NCAM1: variants seen among roughly 807,000 people sequenced by gnomAD.
NCAM1 encodes antigen recognized by monoclonal antibody 5.1H11.
NCAM1 carries 14 observed loss-of-function variants against 109.8 expected under a neutral mutation model. The observed-to-expected ratio is 0.13, with a 90% CI of 0.08 to 0.20. The LOEUF (loss-of-function observed/expected upper bound fraction) is 0.20. Among genes scored for constraint, NCAM1 ranks in the 10% least tolerant of loss-of-function variants. The pLI is 1.00. For synonymous variants in NCAM1, 418 were observed against 442.9 expected (o/e 0.94, Z 0.70); for missense variants, 774 against 1,109.9 (o/e 0.70, Z 4.30).
intron 1 of NCAM1, among the ~76,000 whole-genome samples, chr11:113,004,822 G>A (rs1951852635): frequency 8.8e-6 from 1 of 114,216 alleles, no homozygotes; most frequent in African/African-American, 3.0e-5. Context: ...CTGATTCTTT[G>A]ATTTTTTTTT....
At chr11:113,199,786 T>TA (rs1228708804) in intron 1 of NCAM1, among the ~76,000 whole-genome samples, 12 of 52,428 alleles carry the variant, frequency 2.3e-4, no homozygotes, top group African/African-American at 6.7e-4. Context: ...AGTATAATAA[T>TA]AAAAAAAAGA....
chr11:113,271,239 A>G (rs1031772336), intron 18 of NCAM1, among the ~76,000 whole-genome samples: 3 of 151,984 alleles, frequency 2.0e-5, no homozygotes, highest in Non-Finnish European at 2.9e-5. Context: ...GCGTGGTGGC[A>G]TGCTCCTGTA....
At chr11:113,036,931 G>C (rs1176857318) in intron 1 of NCAM1, among the ~76,000 whole-genome samples, 2 of 151,986 alleles carry the variant, frequency 1.3e-5, no homozygotes, top group Non-Finnish European at 2.9e-5. Flanking sequence ...GGAACAGGTG[G>C]GCATTCATCT....
chr11:113,204,426 G>A lies in NCAM1; in HGVS notation c.268G>A (p.Asp90Asn). ...CACCATCTATAACGCCAACATCGAC[G>A]ACGCCGGCATTTACAAGTGTGTGGT... ...TLTIYNANID[D>N]AGIYKCVVTG... The change falls in exon 3 of 20, where the codon GAC becomes AAC. Residue 90 changes from aspartate to asparagine, a missense_variant. By Grantham distance (23) the Asp-to-Asn change is conservative (BLOSUM62 1). Coordinates refer to ENST00000316851, the MANE Select transcript of NCAM1 (RefSeq NM_181351.5). 1.2e-6 allele frequency: 2 copies of A among 1,613,982 alleles called. No homozygotes were observed. Among genetic ancestry groups the A allele is most frequent in the Non-Finnish European group, 8.5e-7 (1 of 1,179,886 alleles).
In NCAM1 at chr11:113,246,362, G is replaced by A; in HGVS notation, c.1826-6G>A. On this transcript the variant is annotated splice_polypyrimidine_tract_variant and splice_region_variant and intron_variant, in intron 14 of 19. Transcript: ENST00000316851. The stretch of plus-strand genomic sequence containing the variant: ...TGCTGATGATGTCGTCCACGCTGGT[G>A]AACAGAAGGTAAAACTCTTTGTTCT... 1.3e-6 allele frequency: 1 copy of A among 742,664 alleles called. No individual in the cohort carries two copies. 46.0% of individuals were successfully genotyped at this position (742,664 alleles called of 1,614,324 possible).
In NCAM1 at chr11:113,274,514, TG is replaced by T. The variant is rs1166522340; in HGVS notation, c.2457-751del. On this transcript the variant is annotated intron_variant, in intron 19 of 19. Transcript: ENST00000316851. This position sits in a 1 kb window ranked among gnomAD's most constrained non-coding sequence, Gnocchi z 4.1. ...ACCTAGATTTTTATAGAGGCTCCTATGGCTGCTCCCCAGATAAGCTGCCATG... is the reference window on the plus strand; with the variant it reads ...ACCTAGATTTTTATAGAGGCTCCTATGCTGCTCCCCAGATAAGCTGCCATG... 6.6e-6 allele frequency among the ~76,000 whole-genome samples: 1 copy of T among 152,210 alleles called. No individual in the cohort carries two copies. The highest frequency in any genetic ancestry group is 1.5e-5 in the Non-Finnish European group (1 of 68,042).
At chr11:113,095,315 C>CGTGTGTGTGTGTGTGTGTGT (rs147958488) in intron 1 of NCAM1, among the ~76,000 whole-genome samples, 90 of 151,266 alleles carry the variant, frequency 5.9e-4, no homozygotes, top group African/African-American at 2.1e-3. Flanking sequence ...TAATAGAATG[C>CGTGTGTGTGTGTGTGTGTGT]GTGTGTGTGT....
intron 1 of NCAM1, among the ~76,000 whole-genome samples, chr11:113,050,136 AG>A (rs1555081567): frequency 1.5e-5 from 1 of 68,926 alleles, no homozygotes; most frequent in Non-Finnish European, 2.8e-5. Context: ...GCAGAAACAG[AG>A]GGTGGGGGGG....
intron 1 of NCAM1, among the ~76,000 whole-genome samples, chr11:113,081,007 G>T (rs1035773852): frequency 4.6e-5 from 7 of 152,148 alleles, no homozygotes; most frequent in Non-Finnish European, 1.0e-4. Context: ...CATACTTTCT[G>T]ACATTTATTT....
intron 1 of NCAM1, among the ~76,000 whole-genome samples, chr11:113,091,604 A>G (rs1939346697): frequency 6.6e-6 from 1 of 152,216 alleles, no homozygotes; most frequent in Admixed American, 6.5e-5. Context: ...AATTGTGTCC[A>G]GGGTTGATGC....
At chr11:113,148,928 T>A (rs1942121499) in intron 1 of NCAM1, among the ~76,000 whole-genome samples, 1 of 152,146 alleles carries the variant, frequency 6.6e-6, no homozygotes, top group Non-Finnish European at 1.5e-5. Flanking sequence ...CAGAAGCCAA[T>A]GAGTGACTGT....
chr11:113,170,323 T>A (rs1014823448), intron 1 of NCAM1, among the ~76,000 whole-genome samples: 1 of 152,222 alleles, frequency 6.6e-6, no homozygotes. Context: ...AAACAATTTC[T>A]TCCCACCATT....
At chr11:113,136,321 T>C (rs1941594374) in intron 1 of NCAM1, among the ~76,000 whole-genome samples, 1 of 152,154 alleles carries the variant, frequency 6.6e-6, no homozygotes, top group South Asian at 2.1e-4. Context: ...ATATTGGGAA[T>C]TATAAATGAG....
At chr11:113,216,845 T>C (rs1476980769) in intron 8 of NCAM1, among the ~76,000 whole-genome samples, 3 of 152,214 alleles carry the variant, frequency 2.0e-5, no homozygotes, top group African/African-American at 7.2e-5. Context: ...ACACTGTGGA[T>C]AGCTAATAAT....
At chr11:113,099,915 C>G (rs782098108) in intron 1 of NCAM1, among the ~76,000 whole-genome samples, 3 of 152,170 alleles carry the variant, frequency 2.0e-5, no homozygotes, top group Admixed American at 2.0e-4. Context: ...TCTCAAACTC[C>G]TGACCTCGTG....
chr11:113,240,640 G>A, intron 14 of NCAM1: 1 of 760,232 alleles, frequency 1.3e-6, no homozygotes, highest in Non-Finnish European at 2.3e-6. Context: ...CTGGCCAGCT[G>A]TTCACACACG....
intron 1 of NCAM1, among the ~76,000 whole-genome samples, chr11:112,983,912 G>T (rs1312358540): frequency 6.6e-6 from 1 of 151,860 alleles, no homozygotes; most frequent in African/African-American, 2.4e-5. Flanking sequence ...TGTGAATAGA[G>T]TTCTTAAAGT....
At position 113,214,808 on chromosome 11, in the gene NCAM1, C is replaced by T. The variant is rs542002743; in HGVS notation, c.1059+297C>T. 2.3e-3 allele frequency among the ~76,000 whole-genome samples: 353 copies of T among 152,260 alleles called. 10 individuals carry two copies. Among genetic ancestry groups the T allele is most frequent in the South Asian group, 0.022 (106 of 4,822 alleles). ...GATTGTCAATCCCAGAGTTATGGAG[C>T]TGTGAGGGAACAAAGAGAAGGCAAT... On this transcript the variant is annotated intron_variant, in intron 8 of 19. Coordinates refer to ENST00000316851, the MANE Select transcript of NCAM1 (RefSeq NM_181351.5).
intron 15 of NCAM1, among the ~76,000 whole-genome samples, chr11:113,254,561 G>A (rs892737672): frequency 3.3e-5 from 5 of 152,108 alleles, no homozygotes; most frequent in Admixed American, 1.3e-4. Context: ...GTTCCTCCTC[G>A]TATCAAAGGA....
Sources: allele counts gnomAD v4.1 joint callset (sites outside exome capture counted in the v4.1 genomes callset), GRCh38; gene constraint gnomAD v4.1.1; non-coding constraint Gnocchi (gnomAD v3.1); transcripts MANE v1.5; gene names NCBI Gene and HGNC (gene_info 2026-07-23, HGNC 2026-07-21).